MYOCD: variants seen among roughly 807,000 people sequenced by gnomAD.
MYOCD encodes the protein myocardin.
Under a neutral mutation model 96.1 loss-of-function variants are expected in MYOCD, and 32 were observed. The observed-to-expected ratio is 0.33, with a 90% CI of 0.25 to 0.45. The LOEUF is 0.45. Ranked by LOEUF, MYOCD falls within the 20% of genes least tolerant of loss-of-function variation. MYOCD has a pLI of 1.00. For synonymous variants in MYOCD, 469 were observed against 469.0 expected (o/e 1.00, Z 0.00); for missense variants, 1,133 against 1,200.6 (o/e 0.94, Z 0.83).
At chr17:12,743,486 C>CTTTTTTTTTTTT (rs373893604) in intron 7 of MYOCD, among the ~76,000 whole-genome samples, 1 of 98,338 alleles carries the variant, frequency 1.0e-5, no homozygotes, top group Non-Finnish European at 1.9e-5. Context: ...TATGAAAGTT[C>CTTTTTTTTTTTT]TTTTTTTTTT....
intron 1 of MYOCD, among the ~76,000 whole-genome samples, chr17:12,689,976 TG>T (rs1447024429): frequency 6.6e-6 from 1 of 152,200 alleles, no homozygotes; most frequent in Non-Finnish European, 1.5e-5. Context: ...AATCTGGAGA[TG>T]GAGAAGGTCT....
In MYOCD at chr17:12,756,455, C is replaced by G; in HGVS notation, c.2100C>G (p.Pro700=). ...ATGGCCATCCTCCAAGCTTCTCTCC[C>G]CATTCTTCCAGCCTCCACCCGCCCT... The part of the protein sequence containing the change: ...AHDGHPPSFS[P]HSSSLHPPFS... The change falls in exon 11 of 14, where the codon CCC becomes CCG. Residue 700 remains proline (P), a synonymous_variant. Transcript: ENST00000425538. The G allele has an allele frequency of 6.4e-7, 1 of 1,552,094 alleles. No homozygotes were observed. Among genetic ancestry groups the G allele is most frequent in the Non-Finnish European group, 8.7e-7 (1 of 1,147,106 alleles).
chr17:12,689,367 T>C (rs568684747), intron 1 of MYOCD, among the ~76,000 whole-genome samples: 1 of 152,302 alleles, frequency 6.6e-6, no homozygotes, highest in African/African-American at 2.4e-5. Flanking sequence ...CTATAAAGTA[T>C]ATATTTTGTC....
At position 12,764,824 on chromosome 17, in the gene MYOCD, T is replaced by C. The variant is rs1311737542; in HGVS notation, c.*1180T>C. The C allele has an allele frequency of 6.6e-6, 1 of 152,174 alleles. No homozygotes were observed. Among genetic ancestry groups the C allele is most frequent in the East Asian group, 1.9e-4 (1 of 5,186 alleles). The allele number at this position is 152,174 out of a possible 1,614,324, so 9.4% of individuals were successfully genotyped here. On this transcript the variant is annotated 3_prime_UTR_variant, in exon 14 of 14. Transcript: ENST00000425538. ...TCCTAAGAAAGCCATTTTTGAAAAA[T>C]TTAACAATCCAGGTTCTTCTGGAGA...
intron 10 of MYOCD, among the ~76,000 whole-genome samples, chr17:12,755,514 G>A (rs1042202371): frequency 2.0e-5 from 3 of 152,078 alleles, no homozygotes; most frequent in African/African-American, 7.2e-5. Context: ...GAGGCCAAGC[G>A]AGTGGATCAC....
At chr17:12,719,053 T>C (rs898316897) in intron 4 of MYOCD, among the ~76,000 whole-genome samples, 16 of 151,524 alleles carry the variant, frequency 1.1e-4, no homozygotes, top group Non-Finnish European at 2.4e-4. Flanking sequence ...TGGGCGCCTG[T>C]AGTCCCAGCT....
rs1441789612 is a variant in MYOCD, at chr17:12,752,820, A to G, written c.1532A>G (p.Asp511Gly). 1.2e-6 allele frequency: 2 copies of G among 1,614,072 alleles called. No individual in the cohort carries two copies. The highest frequency in any genetic ancestry group is 1.7e-6 in the Non-Finnish European group (2 of 1,180,004). ...LNGGSVPSEL[D>G]GLDSEKDKML... is the part of the protein sequence containing the mutation. The stretch of plus-strand genomic sequence containing the variant: ...GGGGGCTCTGTTCCTTCTGAGCTGG[A>G]TGGGCTGGACTCCGAGAAGGACAAG... Residue 511 changes from aspartate (D) to glycine (G), a missense_variant, in exon 10 of 14, where the codon GAT becomes GGT. Asp to Gly is a moderately conservative substitution (Grantham distance 94). Transcript: ENST00000425538.
chr17:12,755,869 C>T (rs1041018545), intron 10 of MYOCD, among the ~76,000 whole-genome samples: 2 of 151,972 alleles, frequency 1.3e-5, no homozygotes, highest in Non-Finnish European at 2.9e-5. Context: ...GAGACTCCGT[C>T]TAAAAATAAA....
At chr17:12,730,217 C>T (rs895220445) in intron 5 of MYOCD, among the ~76,000 whole-genome samples, 8 of 151,850 alleles carry the variant, frequency 5.3e-5, no homozygotes, top group South Asian at 2.1e-4. Flanking sequence ...GGAGGCTGAG[C>T]GGTGGTGGAT....
At chr17:12,667,133 A>G (rs897809897) in intron 1 of MYOCD, among the ~76,000 whole-genome samples, 1 of 152,224 alleles carries the variant, frequency 6.6e-6, no homozygotes, top group African/African-American at 2.4e-5. Context: ...ATTAGACATA[A>G]CAGGTGTCAG....
intron 6 of MYOCD, among the ~76,000 whole-genome samples, chr17:12,738,787 T>C (rs556219247): frequency 6.6e-6 from 1 of 152,152 alleles, no homozygotes; most frequent in South Asian, 2.1e-4. Context: ...AATTGCATTA[T>C]CAAGACAGGT....
At chr17:12,697,361 T>TA (rs1567576270) in intron 1 of MYOCD, among the ~76,000 whole-genome samples, 1,063 of 42,982 alleles carry the variant, frequency 0.025, 2 homozygotes, top group East Asian at 0.1. Flanking sequence ...ATATATATAT[T>TA]TTTTTTTTTT....
At chr17:12,729,867 C>T (rs989155633) in intron 5 of MYOCD, among the ~76,000 whole-genome samples, 10 of 152,140 alleles carry the variant, frequency 6.6e-5, no homozygotes, top group South Asian at 6.2e-4. Context: ...TCAAGAGCAA[C>T]GCAGGGCAGG....
At chr17:12,675,853 C>T (rs923761451) in intron 1 of MYOCD, among the ~76,000 whole-genome samples, 10 of 151,858 alleles carry the variant, frequency 6.6e-5, no homozygotes, top group Admixed American at 2.6e-4. Flanking sequence ...AGCAAGACTC[C>T]GTCTCAATCA....
intron 5 of MYOCD, among the ~76,000 whole-genome samples, chr17:12,730,454 A>AG (rs1203443288): frequency 6.6e-6 from 1 of 152,066 alleles, no homozygotes. Flanking sequence ...CTCAAAAAAA[A>AG]AAAAAAAAAG....
chr17:12,682,076 G>A (rs748298853), intron 1 of MYOCD, among the ~76,000 whole-genome samples: 2 of 152,156 alleles, frequency 1.3e-5, no homozygotes, highest in Non-Finnish European at 2.9e-5. Context: ...CAAGACCGAC[G>A]CAGATAACCA....
chr17:12,752,458 G>A lies in MYOCD; in HGVS notation c.1170G>A (p.Val390=). The A allele has an allele frequency of 3.1e-6, 5 of 1,614,006 alleles. No homozygotes were observed. The highest frequency in any genetic ancestry group is 4.2e-6 in the Non-Finnish European group (5 of 1,179,966). Residue 390 remains valine (V), a synonymous_variant, in exon 10 of 14, where the codon GTG becomes GTA. Coordinates refer to ENST00000425538, the MANE Select transcript of MYOCD (RefSeq NM_001146312.3). ...AGCTTCGAATTCGGGGCTTGCCTGT[G>A]TCAGGCACCAAAACGGCTCTCATGG... The part of the protein sequence containing the change: ...RQQLRIRGLP[V]SGTKTALMDR...
At chr17:12,684,149 G>A (rs139208228) in intron 1 of MYOCD, among the ~76,000 whole-genome samples, 44 of 151,988 alleles carry the variant, frequency 2.9e-4, no homozygotes, top group African/African-American at 9.9e-4. Context: ...TCAAGACATA[G>A]CAATTCTTTT....
At chr17:12,692,961 G>T (rs1429729797) in intron 1 of MYOCD, among the ~76,000 whole-genome samples, 2 of 152,106 alleles carry the variant, frequency 1.3e-5, no homozygotes, top group Non-Finnish European at 2.9e-5. Context: ...CTCTCTGGTC[G>T]CAGCTCCCGT....
Sources: allele counts gnomAD v4.1 joint callset (sites outside exome capture counted in the v4.1 genomes callset), GRCh38; gene constraint gnomAD v4.1.1; transcripts MANE v1.5; gene names NCBI Gene and HGNC (gene_info 2026-07-23, HGNC 2026-07-21).